The following DAAM1 variants were observed in gnomAD, a reference collection of about 807,000 sequenced individuals.
The protein encoded by DAAM1 is dishevelled associated activator of morphogenesis 1, also known as disheveled-associated activator of morphogenesis 1.
A neutral mutation model predicts 130.0 loss-of-function variants in DAAM1; 52 were observed. The observed-to-expected ratio is 0.40, with a 90% CI of 0.32 to 0.50. The LOEUF (loss-of-function observed/expected upper bound fraction) is 0.50. DAAM1 is among the 20% of genes least tolerant of loss of function. The pLI, the probability that DAAM1 is intolerant of heterozygous loss-of-function variation, is 0.61. For synonymous variants in DAAM1, 452 were observed against 444.5 expected (o/e 1.02, Z -0.21); for missense variants, 1,134 against 1,303.8 (o/e 0.87, Z 2.01).
intron 16 of DAAM1, among the ~76,000 whole-genome samples, chr14:59,342,425 A>C (rs1344440994): frequency 6.6e-6 from 1 of 152,200 alleles, no homozygotes; most frequent in Non-Finnish European, 1.5e-5. Flanking sequence ...AAAATTAGGC[A>C]GATTTAATTA....
chr14:59,349,635 C>G (rs1385451646), intron 17 of DAAM1, among the ~76,000 whole-genome samples: 1 of 152,252 alleles, frequency 6.6e-6, no homozygotes, highest in Non-Finnish European at 1.5e-5. Context: ...TTCATCCCCT[C>G]CTCTCTTGCT....
chr14:59,274,982 A>AT (rs1566679497), intron 2 of DAAM1, among the ~76,000 whole-genome samples: 1 of 152,220 alleles, frequency 6.6e-6, no homozygotes, highest in Non-Finnish European at 1.5e-5. Context: ...GGGAAGACTT[A>AT]TTCTGCTAGA....
chr14:59,330,482 CA>C lies in DAAM1; in HGVS notation c.1373-17del. On this transcript the variant is annotated intron_variant, in intron 12 of 24. Transcript: ENST00000360909. Reference sequence around the variant, plus strand: ...TTGAAGACTCTCCTGTTTTCATGTCCAATTGTTTTCTCGTGTAGAGCACAAT... The same window carrying C: ...TTGAAGACTCTCCTGTTTTCATGTCCATTGTTTTCTCGTGTAGAGCACAAT... The C allele has an allele frequency of 6.4e-7, 1 of 1,560,604 alleles. No homozygotes were observed. Among genetic ancestry groups the C allele is most frequent in the East Asian group, 2.3e-5 (1 of 43,892 alleles).
At position 59,243,292 on chromosome 14, in the gene DAAM1, A is replaced by G. The variant is rs1301138133; in HGVS notation, c.-37-20149A>G. Among the ~76,000 whole-genome samples, 4 of 151,878 alleles carry G rather than the reference A, an allele frequency of 2.6e-5. No homozygotes were observed. The East Asian group carries it at 8.0e-4, about 30-fold the overall frequency. On this transcript the variant is annotated intron_variant, in intron 1 of 24. Transcript: ENST00000360909. The stretch of plus-strand genomic sequence containing the variant: ...AGGTCCAGATTTCTGTTTGGTCTCA[A>G]TTTCTTTCTGCCTGAAGAACTTTCT...
chr14:59,304,844 T>C (rs762805805), intron 3 of DAAM1, among the ~76,000 whole-genome samples: 11 of 152,250 alleles, frequency 7.2e-5, no homozygotes, highest in Non-Finnish European at 1.6e-4. Context: ...CATCCCTGAA[T>C]GGCATATGCC....
intron 12 of DAAM1, among the ~76,000 whole-genome samples, chr14:59,327,193 C>T (rs1399056234): frequency 6.6e-6 from 1 of 151,962 alleles, no homozygotes; most frequent in Non-Finnish European, 1.5e-5. Context: ...AATATTTTAT[C>T]CTTTTATTAT....
chr14:59,276,563 T>C (rs1158549228), intron 2 of DAAM1, among the ~76,000 whole-genome samples: 1 of 152,198 alleles, frequency 6.6e-6, no homozygotes, highest in Non-Finnish European at 1.5e-5. Context: ...TGAGATGAAC[T>C]GAAGGCTTGC....
chr14:59,323,835 G>A (rs997437649), intron 6 of DAAM1, among the ~76,000 whole-genome samples: 6 of 151,826 alleles, frequency 4.0e-5, no homozygotes, highest in African/African-American at 1.5e-4. Context: ...GATCGAGACT[G>A]TCCTGGCTAA....
chr14:59,283,175 T>G (rs552477488), intron 2 of DAAM1, among the ~76,000 whole-genome samples: 1 of 152,316 alleles, frequency 6.6e-6, no homozygotes, highest in East Asian at 1.9e-4. Context: ...CTCTTAATAG[T>G]ACAGTTCTCT....
intron 1 of DAAM1, among the ~76,000 whole-genome samples, chr14:59,255,939 G>T (rs541973028): frequency 1.3e-5 from 2 of 152,248 alleles, no homozygotes; most frequent in South Asian, 4.1e-4. Context: ...AACCAAGTTG[G>T]TGGCTCTCAG....
At chr14:59,191,019 A>G (rs1428677271) in intron 1 of DAAM1, among the ~76,000 whole-genome samples, 11 of 152,224 alleles carry the variant, frequency 7.2e-5, no homozygotes. Flanking sequence ...TTCCTAATGA[A>G]TGCAGTTATT....
chr14:59,209,832 A>T (rs576718308), intron 1 of DAAM1, among the ~76,000 whole-genome samples: 158 of 152,266 alleles, frequency 1.0e-3, no homozygotes, highest in Non-Finnish European at 1.6e-3. Context: ...AAGATTTTGC[A>T]GGGGCCAGGC....
Position 59,364,994 on chromosome 14 carries a change from G to C in DAAM1, c.2826+1212G>C, listed in dbSNP as rs1458567960. 3.3e-5 allele frequency among the ~76,000 whole-genome samples: 5 copies of C among 152,136 alleles called. No homozygotes were observed. The East Asian group carries it at 9.6e-4, about 29-fold the overall frequency. ...CTTCATAAAGGAAGAGACTCCCCCTGTTCTGATATCCCACCTGAGCAATAT... is the reference window on the plus strand; with the variant it reads ...CTTCATAAAGGAAGAGACTCCCCCTCTTCTGATATCCCACCTGAGCAATAT... On this transcript the variant is annotated intron_variant, in intron 23 of 24. Coordinates refer to ENST00000360909, the MANE Select transcript of DAAM1 (RefSeq NM_001270520.2).
rs540913654 is a variant in DAAM1, at chr14:59,213,431, A to G, written c.-38+24663A>G. Among the ~76,000 whole-genome samples, 5 of 151,340 alleles carry G rather than the reference A, an allele frequency of 3.3e-5. No homozygotes were observed. In the East Asian group the frequency reaches 9.7e-4, roughly 29 times the overall value. On this transcript the variant is annotated intron_variant, in intron 1 of 24. Coordinates refer to ENST00000360909, the MANE Select transcript of DAAM1 (RefSeq NM_001270520.2). ...TCACACATGATTAAATGCAATGCCC[A>G]GAGTATTTTGGGGTTATCCTGTTAG...
chr14:59,194,883 C>T (rs1409633176), intron 1 of DAAM1, among the ~76,000 whole-genome samples: 1 of 152,156 alleles, frequency 6.6e-6, no homozygotes, highest in Non-Finnish European at 1.5e-5. Flanking sequence ...GCAGTTGGTG[C>T]GATTTCGTGA....
chr14:59,263,894 G>A (rs1323371242), intron 2 of DAAM1: 1 of 565,350 alleles, frequency 1.8e-6, no homozygotes, highest in Non-Finnish European at 3.2e-6. Context: ...AGTGGGTGGA[G>A]GGATTTAGAC....
At chr14:59,321,550 T>G (rs1345078803) in intron 5 of DAAM1, among the ~76,000 whole-genome samples, 1 of 152,254 alleles carries the variant, frequency 6.6e-6, no homozygotes, top group African/African-American at 2.4e-5. Flanking sequence ...CCTCCTGCAC[T>G]TTCATTCCTT....
At chr14:59,219,127 A>G (rs1437091467) in intron 1 of DAAM1, among the ~76,000 whole-genome samples, 6 of 152,164 alleles carry the variant, frequency 3.9e-5, no homozygotes. Context: ...TGTTCTTTCT[A>G]ATGTTGGCAT....
intron 23 of DAAM1, 93 bp downstream of exon 23, chr14:59,363,875 A>C: frequency 6.5e-7 from 1 of 1,540,322 alleles, no homozygotes; most frequent in Non-Finnish European, 8.7e-7. Context: ...AAATAGCAGG[A>C]GTGAGATCCA....
Sources: gnomAD v4.1 joint callset for allele counts (sites outside exome capture counted in the v4.1 genomes callset) on GRCh38, gnomAD v4.1.1 for gene constraint, MANE v1.5 for transcripts, NCBI Gene and HGNC (gene_info 2026-07-23, HGNC 2026-07-21) for gene names.